Variants in CFAP47 observed in about 807,000 individuals in gnomAD.
CFAP47 encodes cilia and flagella associated protein 47, also known as cilia- and flagella-associated protein 47.
CFAP47 carries 29 observed loss-of-function variants against 148.1 expected under a neutral mutation model. The ratio of observed to expected loss-of-function variants is 0.20; its 90% CI spans 0.15 to 0.27. The LOEUF (loss-of-function observed/expected upper bound fraction) is 0.27, where lower values mean the gene tolerates loss of function less well. Among genes scored for constraint, CFAP47 ranks in the 10% least tolerant of loss-of-function variants. The probability of loss-of-function intolerance (pLI) is 1.00; values close to 1 mark genes in which losing one functional copy is unlikely to be tolerated. For missense variants in CFAP47, 1,872 were observed against 1,697.5 expected (o/e 1.10, Z -1.81); for synonymous variants, 664 against 577.3 (o/e 1.15, Z -2.15).
At chrX:36,376,787 A>C (rs2147004507) in intron 62 of CFAP47, among the ~76,000 whole-genome samples, 7 of 63,904 alleles carry the variant, frequency 1.1e-4, no homozygotes, top group African/African-American at 1.9e-4. Context: ...CCCCCACCCC[A>C]TGACAGGCTG....
At chrX:36,231,286 C>G (rs377294967) in intron 46 of CFAP47, among the ~76,000 whole-genome samples, 6 of 95,675 alleles carry the variant, frequency 6.3e-5, no homozygotes, top group Non-Finnish European at 1.2e-4. Flanking sequence ...CTTTTATTTC[C>G]TTGAGCAGTG....
At chrX:35,924,336 CAT>C (rs1403389985) in intron 1 of CFAP47, among the ~76,000 whole-genome samples, 28 of 102,738 alleles carry the variant, frequency 2.7e-4, no homozygotes, top group Non-Finnish European at 5.2e-4. Context: ...TATATGTGTA[CAT>C]ATATGTGTGC....
intron 49 of CFAP47, among the ~76,000 whole-genome samples, chrX:36,255,734 G>C (rs1555998906): frequency 9.0e-6 from 1 of 111,489 alleles, no homozygotes; most frequent in Non-Finnish European, 1.9e-5. Context: ...GGAGAAAGTA[G>C]AGTCAAATGT....
intron 32 of CFAP47, among the ~76,000 whole-genome samples, chrX:36,103,488 C>A (rs1474627008): frequency 2.7e-5 from 2 of 75,340 alleles, no homozygotes; most frequent in Non-Finnish European, 2.3e-5. Flanking sequence ...GCTGAGTGTG[C>A]TCTCATATGC....
At chrX:36,126,552 AAC>A (rs1284103232) in intron 33 of CFAP47, among the ~76,000 whole-genome samples, 1 of 112,129 alleles carries the variant, frequency 8.9e-6, no homozygotes, top group East Asian at 2.8e-4. Flanking sequence ...TGCTGCAATA[AAC>A]ATACATGTGC....
At chrX:36,268,526 G>T (rs186555981) in intron 49 of CFAP47, among the ~76,000 whole-genome samples, 13 of 112,550 alleles carry the variant, frequency 1.2e-4, no homozygotes, top group African/African-American at 2.9e-4. Flanking sequence ...TAGGAAGAAG[G>T]TTCCAGTGGC....
At chrX:36,106,145 T>C (rs1938462876) in intron 33 of CFAP47, among the ~76,000 whole-genome samples, 2 of 112,469 alleles carry the variant, frequency 1.8e-5, no homozygotes, top group African/African-American at 3.2e-5. Flanking sequence ...TCCTACTCTT[T>C]CCTGCTCTAT....
At chrX:36,268,657 G>A (rs1236033182) in intron 49 of CFAP47, among the ~76,000 whole-genome samples, 2 of 112,080 alleles carry the variant, frequency 1.8e-5, no homozygotes, top group African/African-American at 6.5e-5. Flanking sequence ...GTGTGTATGT[G>A]TGTCTGTATG....
At chrX:36,372,580 T>C (rs1941982117) in intron 62 of CFAP47, among the ~76,000 whole-genome samples, 1 of 111,342 alleles carries the variant, frequency 9.0e-6, no homozygotes, top group Non-Finnish European at 1.9e-5. Context: ...GCCTATTGCT[T>C]CTAGGCTACA....
At position 35,919,823 on chromosome X, in the gene CFAP47, C is replaced by T; in HGVS notation, c.24C>T (p.Leu8=). 8.3e-7 allele frequency: 1 copy of T among 1,207,325 alleles called. No homozygotes were observed. Among genetic ancestry groups the T allele is most frequent in the Non-Finnish European group, 1.1e-6 (1 of 893,309 alleles). The change falls in exon 1 of 64, where the codon CTC becomes CTT. Residue 8 remains leucine, a synonymous_variant. Transcript: ENST00000378653. MNTQKGS[L]TINVHRGSLA... The stretch of plus-strand genomic sequence containing the variant: ...CCATGAACACCCAAAAGGGTTCCCT[C>T]ACCATAAACGTCCACAGAGGTTCCC...
At chrX:36,077,483 A>G (rs1937887603) in intron 29 of CFAP47, among the ~76,000 whole-genome samples, 2 of 106,514 alleles carry the variant, frequency 1.9e-5, no homozygotes, top group South Asian at 4.2e-4. Context: ...TAGATCTTTC[A>G]CCCCCTTGGT....
At chrX:36,276,640 A>C (rs1479277308) in intron 49 of CFAP47, among the ~76,000 whole-genome samples, 1 of 111,834 alleles carries the variant, frequency 8.9e-6, no homozygotes, top group Admixed American at 9.6e-5. Flanking sequence ...CATTTTTGGT[A>C]ATTTATGTTG....
intron 45 of CFAP47, among the ~76,000 whole-genome samples, chrX:36,213,962 C>T (rs1555989840): frequency 8.9e-6 from 1 of 111,750 alleles, no homozygotes; most frequent in East Asian, 2.8e-4. Flanking sequence ...GAGCCGTTGC[C>T]TCAGTATCCA....
rs1214987009 is a variant in CFAP47 at position 36,050,912 on chromosome X, G to GTATAGCTTA, written c.4217+3849_4217+3850insTATAGCTTA. On this transcript the variant is annotated intron_variant, in intron 26 of 63. Transcript: ENST00000378653. ...CAGCTGCTCCAGCTATGGCTAAAAG[G>GTATAGCTTA]GGTCAAGGTATAGCTTAGGCCATGG... Among the ~76,000 whole-genome samples the GTATAGCTTA allele has an allele frequency of 3.3e-4, 37 of 112,413 alleles. No individual in the cohort carries two copies. The South Asian group carries it at 5.5e-3, about 17-fold the overall frequency.
At chrX:36,267,848 G>A (rs1036715015) in intron 49 of CFAP47, among the ~76,000 whole-genome samples, 1 of 112,024 alleles carries the variant, frequency 8.9e-6, no homozygotes, top group African/African-American at 3.2e-5. Flanking sequence ...TGTGGAGATC[G>A]TATATTTGGT....
In CFAP47 at chrX:35,924,248, C is replaced by CATGTGTGTGTAT. The variant is rs761132383; in HGVS notation, c.250-1767_250-1766insGTGTGTGTATAT. Among the ~76,000 whole-genome samples, 2 of 84,628 alleles carry CATGTGTGTGTAT rather than the reference C, an allele frequency of 2.4e-5. 1 individual carries two copies. Among genetic ancestry groups the CATGTGTGTGTAT allele is most frequent in the African/African-American group, 1.2e-4 (2 of 16,037 alleles). The allele number at this position is 84,628 out of a possible 115,157, so 73.5% of individuals were successfully genotyped here. ...GTGTATATATGGACATGTATGTGTGCATATGGACATGTATGTGTACATGTA... is the reference window on the plus strand; with the variant it reads ...GTGTATATATGGACATGTATGTGTGCATGTGTGTGTATATATGGACATGTATGTGTACATGTA... On this transcript the variant is annotated intron_variant, in intron 1 of 63. Coordinates refer to ENST00000378653, the MANE Select transcript of CFAP47 (RefSeq NM_001304548.2).
intron 57 of CFAP47, among the ~76,000 whole-genome samples, chrX:36,342,313 A>G (rs140803496): frequency 0.049 from 5,481 of 111,934 alleles, 334 homozygotes; most frequent in African/African-American, 0.17. Context: ...AAAATTTCAA[A>G]TATCCCTAAA....
At chrX:36,313,600 AGGCAATCTCATTTTGTCTTT>A (rs1941411365) in intron 56 of CFAP47, among the ~76,000 whole-genome samples, 2 of 111,440 alleles carry the variant, frequency 1.8e-5, no homozygotes. Context: ...TGATAGGAGT[AGGCAATCTCATTTTGTCTTT>A]TAAAAGAAGA....
chrX:36,314,317 A>G (rs1266659911), intron 56 of CFAP47, among the ~76,000 whole-genome samples: 2 of 111,909 alleles, frequency 1.8e-5, no homozygotes, highest in Non-Finnish European at 3.8e-5. Context: ...AGTTTAATTG[A>G]GCAAATAATG....
Sources: allele counts gnomAD v4.1 joint callset (sites outside exome capture counted in the v4.1 genomes callset), GRCh38; gene constraint gnomAD v4.1.1; transcripts MANE v1.5; gene names NCBI Gene and HGNC (gene_info 2026-07-23, HGNC 2026-07-21).